PPP2R5C: variants seen among roughly 807,000 people sequenced by gnomAD.
The protein encoded by PPP2R5C is serine/threonine-protein phosphatase 2A 56 kDa regulatory subunit gamma isoform.
PPP2R5C carries 7 observed loss-of-function variants against 68.9 expected under a neutral mutation model. The ratio of observed to expected loss-of-function variants is 0.10; its 90% CI spans 0.06 to 0.19. The LOEUF (loss-of-function observed/expected upper bound fraction) is 0.19. PPP2R5C is among the 10% of genes least tolerant of loss of function. PPP2R5C has a pLI of 1.00. For synonymous variants in PPP2R5C, 210 were observed against 222.2 expected (o/e 0.95, Z 0.49); for missense variants, 348 against 641.3 (o/e 0.54, Z 4.94).
chr14:101,839,544 G>C (rs541959051), intron 1 of PPP2R5C: 1 of 152,592 alleles, frequency 6.6e-6, no homozygotes, highest in African/African-American at 2.4e-5. Context: ...CTGCTTCCCT[G>C]CCTGCCCTCC....
chr14:101,859,363 G>A (rs2042620754), intron 2 of PPP2R5C, among the ~76,000 whole-genome samples: 1 of 152,254 alleles, frequency 6.6e-6, no homozygotes, highest in Non-Finnish European at 1.5e-5. Flanking sequence ...CGGGAAGAAG[G>A]CGCAGAGTGG....
chr14:101,838,380 AGTTT>A (rs1326837265), intron 1 of PPP2R5C, among the ~76,000 whole-genome samples: 1 of 152,236 alleles, frequency 6.6e-6, no homozygotes, highest in African/African-American at 2.4e-5. Context: ...CCTGATTTGT[AGTTT>A]GTTTGCTTAT....
At chr14:101,893,814 C>T (rs566569840) in intron 7 of PPP2R5C, among the ~76,000 whole-genome samples, 202 of 152,326 alleles carry the variant, frequency 1.3e-3, no homozygotes, top group Non-Finnish European at 2.5e-3. Flanking sequence ...AATCTAAGTA[C>T]AGCTGTACTG....
intron 2 of PPP2R5C, among the ~76,000 whole-genome samples, chr14:101,776,435 TA>T (rs1010189140): frequency 6.6e-6 from 1 of 152,174 alleles, no homozygotes; most frequent in Non-Finnish European, 1.5e-5. Flanking sequence ...ACCCAGTTTT[TA>T]TTTTAGGAGT....
Position 101,909,703 on chromosome 14 carries a change from T to C in PPP2R5C, c.1253+13T>C. On this transcript the variant is annotated intron_variant, in intron 11 of 13. Coordinates refer to ENST00000334743, the Ensembl canonical transcript of PPP2R5C. ...CAGAGAAACTAAAGTGAGTTGTTCC[T>C]TTCACAAGTTACTGTTTCCAGGATT... 2 of 1,543,458 alleles carry C rather than the reference T, an allele frequency of 1.3e-6. No individual in the cohort carries two copies. The highest frequency in any genetic ancestry group is 1.8e-6 in the Non-Finnish European group (2 of 1,120,190).
intron 8 of PPP2R5C, 116 bp from the exon 11 acceptor site, chr14:101,901,602 AC>A: frequency 1.0e-6 from 1 of 982,898 alleles, no homozygotes; most frequent in Admixed American, 2.2e-5. Flanking sequence ...GGAAGATGGC[AC>A]CATCTCCGTG....
rs544944803 is a variant in PPP2R5C at position 101,922,748 on chromosome 14, T to G, written c.1444-2393T>G. Reference sequence around the variant, plus strand: ...CAGGAGGATCCCTGAAGCCCAGGAGTTGGAGTCTGCAGTGAGCTGTAATCA... The same window carrying G: ...CAGGAGGATCCCTGAAGCCCAGGAGGTGGAGTCTGCAGTGAGCTGTAATCA... On this transcript the variant is annotated intron_variant, in intron 13 of 13. Coordinates refer to ENST00000334743, the Ensembl canonical transcript of PPP2R5C. Among the ~76,000 whole-genome samples the G allele has an allele frequency of 2.2e-3, 326 of 150,212 alleles. 2 individuals are homozygous for G. The highest frequency in any genetic ancestry group is 7.6e-3 in the African/African-American group (309 of 40,766).
chr14:101,772,592 C>T (rs2037209018), intron 2 of PPP2R5C, among the ~76,000 whole-genome samples: 1 of 151,950 alleles, frequency 6.6e-6, no homozygotes, highest in East Asian at 1.9e-4. Flanking sequence ...ATCAGGAGTT[C>T]GAGACCAGCC....
intron 1 of PPP2R5C, among the ~76,000 whole-genome samples, chr14:101,849,497 A>C (rs371413672): frequency 7.0e-5 from 10 of 143,790 alleles, no homozygotes; most frequent in African/African-American, 2.6e-4. Context: ...CCTGATTAAG[A>C]CTTTTTCCTA....
chr14:101,902,309 A>G (rs1031648584), intron 9 of PPP2R5C, among the ~76,000 whole-genome samples: 1 of 152,122 alleles, frequency 6.6e-6, no homozygotes, highest in Non-Finnish European at 1.5e-5. Flanking sequence ...TACCCTTTCA[A>G]AAAGGCTGAG....
At chr14:101,829,764 C>T (rs2040623802) in intron 1 of PPP2R5C, among the ~76,000 whole-genome samples, 1 of 152,162 alleles carries the variant, frequency 6.6e-6, no homozygotes, top group South Asian at 2.1e-4. Flanking sequence ...ACATCCAGCT[C>T]CACATGGTGG....
chr14:101,914,961 T>C (rs1211608690), intron 12 of PPP2R5C, among the ~76,000 whole-genome samples: 1 of 152,204 alleles, frequency 6.6e-6, no homozygotes, highest in Non-Finnish European at 1.5e-5. Context: ...AAAACTGCCA[T>C]GAGCAACCCA....
chr14:101,783,892 CTG>C (rs1226796843), intron 2 of PPP2R5C, among the ~76,000 whole-genome samples: 5 of 152,200 alleles, frequency 3.3e-5, no homozygotes, highest in African/African-American at 1.2e-4. Context: ...CTCCTCCAGA[CTG>C]TGGAATCAAT....
At chr14:101,871,234 G>GTT (rs1566926080) in intron 2 of PPP2R5C, among the ~76,000 whole-genome samples, 2 of 131,104 alleles carry the variant, frequency 1.5e-5, no homozygotes, top group South Asian at 2.3e-4. Flanking sequence ...GGTTTTTGTT[G>GTT]TTGTTGTTGT....
At chr14:101,831,822 A>G in intron 1 of PPP2R5C, 1 of 695,672 alleles carries the variant, frequency 1.4e-6, no homozygotes, top group Non-Finnish European at 2.6e-6. Context: ...TGGTGGTCCT[A>G]GAAGCAATCC....
intron 10 of PPP2R5C, among the ~76,000 whole-genome samples, chr14:101,908,192 C>G (rs1312222494): frequency 6.6e-6 from 1 of 152,130 alleles, no homozygotes; most frequent in African/African-American, 2.4e-5. Flanking sequence ...GCGTAAAGTA[C>G]CTGGCTTATG....
chr14:101,790,626 A>C (rs2038314364), intron 3 of PPP2R5C, among the ~76,000 whole-genome samples: 1 of 152,220 alleles, frequency 6.6e-6, no homozygotes, highest in Admixed American at 6.5e-5. Flanking sequence ...TTATCCGTTC[A>C]CCAGTTAATG....
chr14:101,914,968 C>T (rs1246477401), intron 12 of PPP2R5C, among the ~76,000 whole-genome samples: 1 of 152,190 alleles, frequency 6.6e-6, no homozygotes, highest in Non-Finnish European at 1.5e-5. Context: ...CCATGAGCAA[C>T]CCAGGGCAGG....
intron 1 of PPP2R5C, chr14:101,818,633 CAAAA>C (rs34613639): frequency 4.6e-4 from 58 of 126,642 alleles, no homozygotes; most frequent in South Asian, 2.2e-3. Flanking sequence ...GACTCTGTCT[CAAAA>C]AAAAAAAAAA....
Sources: allele counts gnomAD v4.1 joint callset (sites outside exome capture counted in the v4.1 genomes callset), GRCh38; gene constraint gnomAD v4.1.1; transcripts MANE v1.5; gene names NCBI Gene and HGNC (gene_info 2026-07-23, HGNC 2026-07-21).